MCC: variants seen among roughly 807,000 people sequenced by gnomAD.
MCC encodes the protein colorectal mutant cancer protein.
A neutral mutation model predicts 116.2 loss-of-function variants in MCC; 90 were observed. The observed-to-expected ratio is 0.77, with a 90% CI of 0.65 to 0.92. The LOEUF (loss-of-function observed/expected upper bound fraction) is 0.92. Among genes scored for constraint, MCC ranks in the 40% least tolerant of loss-of-function variants. The probability of loss-of-function intolerance (pLI) is 0.00; values close to 1 mark genes in which losing one functional copy is unlikely to be tolerated. For missense variants in MCC, 1,516 were observed against 1,312.2 expected (o/e 1.16, Z -2.40); for synonymous variants, 578 against 510.5 (o/e 1.13, Z -1.78).
In MCC at chr5:113,071,189, G is replaced by C. The variant is rs1348589288; in HGVS notation, c.1830C>G (p.Thr610=). Residue 610 remains threonine, a synonymous_variant, in exon 12 of 19, where the codon ACC becomes ACG. Coordinates refer to ENST00000408903, the MANE Select transcript of MCC (RefSeq NM_001085377.2). ...LKSQNDLLTI[T]LEECKSNAER... ...CGGCATTGCTTTTACATTCCTCCAA[G>C]GTTATGGTCAGGAGGTCATTTTGGG... 4 of 1,614,034 alleles carry C rather than the reference G, an allele frequency of 2.5e-6. No homozygotes were observed. Among genetic ancestry groups the C allele is most frequent in the African/African-American group, 2.7e-5 (2 of 74,904 alleles).
At chr5:113,268,448 T>C (rs1323197839) in intron 3 of MCC, among the ~76,000 whole-genome samples, 3 of 152,178 alleles carry the variant, frequency 2.0e-5, no homozygotes, top group East Asian at 3.9e-4. Flanking sequence ...TTCCAGACCA[T>C]AATGTTTGTC....
chr5:113,103,444 C>T (rs1561813103), intron 7 of MCC, among the ~76,000 whole-genome samples: 1 of 152,184 alleles, frequency 6.6e-6, no homozygotes, highest in Non-Finnish European at 1.5e-5. Context: ...GAAAGAAACA[C>T]CAGCAATTGC....
At chr5:113,143,154 C>T in intron 5 of MCC, 64 bp downstream of exon 5, 3 of 1,503,744 alleles carry the variant, frequency 2.0e-6, no homozygotes, top group Non-Finnish European at 1.8e-6. Flanking sequence ...GTTGGGGCTA[C>T]TTCAGCTCCA....
chr5:113,248,172 G>A (rs1047416543), intron 3 of MCC, among the ~76,000 whole-genome samples: 2 of 150,590 alleles, frequency 1.3e-5, no homozygotes, highest in Admixed American at 6.6e-5. Flanking sequence ...CCAGGTTACA[G>A]TGAGCTATAA....
At chr5:113,469,779 G>A (rs2150430341) in intron 1 of MCC, among the ~76,000 whole-genome samples, 1 of 152,176 alleles carries the variant, frequency 6.6e-6, no homozygotes, top group Admixed American at 6.5e-5. Context: ...GTTGACAGTG[G>A]GGTGTTAAAG....
intron 3 of MCC, among the ~76,000 whole-genome samples, chr5:113,319,858 A>G (rs1465742451): frequency 6.6e-6 from 1 of 152,216 alleles, no homozygotes; most frequent in African/African-American, 2.4e-5. Flanking sequence ...GCCTTGGAGA[A>G]GACCGGCTGG....
At chr5:113,480,965 C>T (rs1407274912) in intron 1 of MCC, among the ~76,000 whole-genome samples, 2 of 151,946 alleles carry the variant, frequency 1.3e-5, no homozygotes, top group Non-Finnish European at 2.9e-5. Flanking sequence ...TTTGTAGAGA[C>T]AGGGTTTCTC....
At chr5:113,480,550 A>C (rs1772352119) in intron 1 of MCC, among the ~76,000 whole-genome samples, 1 of 152,214 alleles carries the variant, frequency 6.6e-6, no homozygotes, top group South Asian at 2.1e-4. Context: ...CTCAAGAATA[A>C]AAGTCGTGGT....
intron 3 of MCC, among the ~76,000 whole-genome samples, chr5:113,262,427 C>G (rs1219398462): frequency 6.6e-6 from 1 of 152,136 alleles, no homozygotes; most frequent in African/African-American, 2.4e-5. Context: ...GACTGCAAAC[C>G]TGTTAGGGCT....
chr5:113,033,525 G>A (rs947568492), intron 17 of MCC, among the ~76,000 whole-genome samples: 5 of 152,038 alleles, frequency 3.3e-5, no homozygotes, highest in East Asian at 1.9e-4. Context: ...TTAGCCTTTC[G>A]TTAAGATTTT....
chr5:113,410,597 G>A (rs142465202), intron 1 of MCC, among the ~76,000 whole-genome samples: 162 of 152,246 alleles, frequency 1.1e-3, no homozygotes, highest in African/African-American at 3.7e-3. Context: ...TCTGCATAAT[G>A]AATTATTATG....
chr5:113,058,604 G>T, intron 14 of MCC, among the ~76,000 whole-genome samples: 1 of 152,194 alleles, frequency 6.6e-6, no homozygotes, highest in South Asian at 2.1e-4. Context: ...AATGCTCCTG[G>T]CTGCCCTGGT....
In MCC at chr5:113,433,828, G is replaced by C. The variant is rs201419068; in HGVS notation, c.171-48616C>G. 1.1e-5 allele frequency: 18 copies of C among 1,614,022 alleles called. No homozygotes were observed. Among genetic ancestry groups the C allele is most frequent in the Admixed American group, 1.0e-4 (6 of 60,024 alleles). On this transcript the variant is annotated intron_variant, in intron 1 of 18. Transcript: ENST00000408903. ...CTGGGGAAACCCAGGATCTCCGACT[G>C]CCTGGACATTTGCATTGCTGTCCCC...
rs775655073 is a variant in MCC, at chr5:113,488,354, CGCCGCCGCCGCCGCCGCTGCT to C, written c.40_60del (p.Ser14_Gly20del). ...CTGCTGCTGCTGCTGCTGCCGCTGC[CGCCGCCGCCGCCGCCGCTGCT>C]GGAGCTCCCCGCAGCCGCTGCCGCC... On this transcript the variant is annotated inframe_deletion, in exon 1 of 19. Coordinates refer to ENST00000408903, the MANE Select transcript of MCC (RefSeq NM_001085377.2). The C allele has an allele frequency of 2.2e-6, 3 of 1,389,850 alleles. No homozygotes were observed. Among genetic ancestry groups the C allele is most frequent in the Admixed American group, 4.7e-5 (2 of 42,830 alleles). 86.1% of individuals were successfully genotyped at this position (1,389,850 alleles called of 1,614,324 possible).
intron 14 of MCC, among the ~76,000 whole-genome samples, chr5:113,057,634 G>A (rs571249417): frequency 3.3e-5 from 5 of 152,300 alleles, no homozygotes; most frequent in South Asian, 4.1e-4. Context: ...TGAGGACCCC[G>A]GCTGTGCATC....
At chr5:113,063,919 C>T in intron 14 of MCC, 65 bp downstream of exon 14, 1 of 1,510,330 alleles carries the variant, frequency 6.6e-7, no homozygotes, top group South Asian at 1.3e-5. Context: ...TCACTGCACA[C>T]CAAGTCCAGT....
At chr5:113,479,626 G>T (rs1460695465) in intron 1 of MCC, among the ~76,000 whole-genome samples, 3 of 152,110 alleles carry the variant, frequency 2.0e-5, no homozygotes, top group African/African-American at 4.8e-5. Flanking sequence ...GCTACCTCAA[G>T]GGGAGTTCTG....
intron 3 of MCC, among the ~76,000 whole-genome samples, chr5:113,238,760 C>A (rs1764247528): frequency 1.3e-5 from 2 of 152,184 alleles, no homozygotes; most frequent in Non-Finnish European, 2.9e-5. Flanking sequence ...CCTCGACTAT[C>A]AAGGTGATCC....
At chr5:113,119,239 A>ATAACACACAAGGAAATGAG (rs1488161059) in intron 6 of MCC, among the ~76,000 whole-genome samples, 3 of 152,258 alleles carry the variant, frequency 2.0e-5, no homozygotes, top group Non-Finnish European at 2.9e-5. Flanking sequence ...ATAAAGCTTG[A>ATAACACACAAGGAAATGAG]TAACACACAA....
Sources: gnomAD v4.1 joint callset for allele counts (sites outside exome capture counted in the v4.1 genomes callset) on GRCh38, gnomAD v4.1.1 for gene constraint, MANE v1.5 for transcripts, NCBI Gene and HGNC (gene_info 2026-07-23, HGNC 2026-07-21) for gene names.